Variants in ZPBP observed in about 807,000 individuals in gnomAD.
The protein encoded by ZPBP is zona pellucida-binding protein 1.
In ZPBP, 26 loss-of-function variants were observed where a neutral mutation model predicts 44.8. That is an observed-to-expected ratio of 0.58 (90% CI 0.43 to 0.81). The LOEUF (loss-of-function observed/expected upper bound fraction) is 0.81, where lower values mean the gene tolerates loss of function less well. ZPBP is among the 30% of genes least tolerant of loss of function. The probability of loss-of-function intolerance (pLI) is 0.00; values close to 1 mark genes in which losing one functional copy is unlikely to be tolerated. For synonymous variants in ZPBP, 174 were observed against 153.2 expected, an observed-to-expected ratio of 1.14 and a Z score of -1.00; for missense variants, 409 against 434.0, an observed-to-expected ratio of 0.94 and a Z score of 0.51.
chr7:50,072,813 C>G (rs1801913241), intron 3 of ZPBP, among the ~76,000 whole-genome samples: 1 of 152,210 alleles, frequency 6.6e-6, no homozygotes, highest in Admixed American at 6.5e-5. Context: ...CAATTTACAT[C>G]ATAACATCCA....
downstream of ZPBP, among the ~76,000 whole-genome samples, chr7:49,848,315 G>T (rs554233995): frequency 2.0e-5 from 3 of 152,326 alleles, no homozygotes; most frequent in Non-Finnish European, 2.9e-5. Context: ...GGTCTTTCCA[G>T]GATCTTCTCT....
At chr7:50,025,447 T>C (rs1243608625) in intron 5 of ZPBP, among the ~76,000 whole-genome samples, 2 of 151,740 alleles carry the variant, frequency 1.3e-5, no homozygotes, top group African/African-American at 4.8e-5. Context: ...AAGAGACCAA[T>C]GTAAGTGAAC....
chr7:49,848,124 T>C (rs1790028491), downstream of ZPBP, among the ~76,000 whole-genome samples: 1 of 152,186 alleles, frequency 6.6e-6, no homozygotes, highest in Non-Finnish European at 1.5e-5. Context: ...GTCAGCTTTG[T>C]GAGTGGGATG....
intron 1 of ZPBP, among the ~76,000 whole-genome samples, chr7:49,931,954 A>G (rs1794461276): frequency 6.6e-6 from 1 of 152,214 alleles, no homozygotes; most frequent in Non-Finnish European, 1.5e-5. Context: ...ACTGCTTCAG[A>G]GGGAAGAAGC....
At chr7:50,035,745 C>G (rs550966311) in intron 4 of ZPBP, among the ~76,000 whole-genome samples, 8 of 150,714 alleles carry the variant, frequency 5.3e-5, no homozygotes, top group South Asian at 4.2e-4. Flanking sequence ...GCAATAAAAC[C>G]TATTTTGTTG....
chr7:49,965,156 A>G (rs1796009845), intron 7 of ZPBP, among the ~76,000 whole-genome samples: 2 of 152,126 alleles, frequency 1.3e-5, no homozygotes, highest in South Asian at 4.1e-4. Context: ...CTTCCAAACA[A>G]CTTACCAATG....
chr7:49,885,080 T>A (rs181206603), intron 2 of ZPBP, among the ~76,000 whole-genome samples: 1 of 152,212 alleles, frequency 6.6e-6, no homozygotes, highest in Non-Finnish European at 1.5e-5. Context: ...TGGTAAAATA[T>A]CAAAATCTCA....
chr7:49,982,232 A>T (rs1347273585), intron 7 of ZPBP, among the ~76,000 whole-genome samples: 3 of 108,558 alleles, frequency 2.8e-5, no homozygotes, highest in Middle Eastern at 7.6e-3. Flanking sequence ...TATATAATAT[A>T]TAATATAATT....
chr7:49,996,090 T>C (rs1217147816), intron 6 of ZPBP, among the ~76,000 whole-genome samples: 1 of 152,194 alleles, frequency 6.6e-6, no homozygotes, highest in African/African-American at 2.4e-5. Flanking sequence ...TCATTATGCA[T>C]TCTATACATT....
chr7:50,056,925 C>T (rs1036268567), intron 4 of ZPBP, among the ~76,000 whole-genome samples: 20 of 152,122 alleles, frequency 1.3e-4, no homozygotes, highest in African/African-American at 4.3e-4. Flanking sequence ...GTGGCTCATG[C>T]CTGTAATCCC....
chr7:49,960,544 T>C (rs1261160353), intron 7 of ZPBP, among the ~76,000 whole-genome samples: 1 of 152,158 alleles, frequency 6.6e-6, no homozygotes, highest in African/African-American at 2.4e-5. Context: ...TATGCAACTT[T>C]TTAATTTAAA....
At chr7:50,053,756 A>G (rs1800801247) in intron 4 of ZPBP, among the ~76,000 whole-genome samples, 1 of 152,212 alleles carries the variant, frequency 6.6e-6, no homozygotes, top group Admixed American at 6.5e-5. Context: ...CTGGTCAGAA[A>G]TTCACAGGTT....
intron 5 of ZPBP, among the ~76,000 whole-genome samples, chr7:50,018,867 T>A (rs537866146): frequency 5.1e-4 from 78 of 152,130 alleles, no homozygotes; most frequent in South Asian, 4.8e-3. Context: ...GAGCCTACTG[T>A]GTGCCAGGAA....
chr7:49,884,122 G>T (rs1210206839), intron 2 of ZPBP, among the ~76,000 whole-genome samples: 1 of 152,202 alleles, frequency 6.6e-6, no homozygotes, highest in Admixed American at 6.5e-5. Context: ...AGAGGAAGGG[G>T]TTCCTGCAGT....
intron 2 of ZPBP, among the ~76,000 whole-genome samples, chr7:49,862,833 T>C (rs1188786240): frequency 6.6e-6 from 1 of 152,162 alleles, no homozygotes; most frequent in African/African-American, 2.4e-5. Flanking sequence ...TTGGTCATGA[T>C]GTATAATCCT....
At chr7:50,039,186 GA>G (rs1799958599) in intron 4 of ZPBP, among the ~76,000 whole-genome samples, 1 of 151,992 alleles carries the variant, frequency 6.6e-6, no homozygotes, top group African/African-American at 2.4e-5. Flanking sequence ...CAAAATTGAA[GA>G]AGATATGGTT....
intron 7 of ZPBP, chr7:49,944,418 C>G (rs1483005396): frequency 5.6e-6 from 1 of 178,854 alleles, no homozygotes; most frequent in Non-Finnish European, 1.2e-5. Flanking sequence ...ATGCACTGTC[C>G]TTTTGTACTT....
At chr7:50,063,600 T>C (rs1338837298) in intron 3 of ZPBP, among the ~76,000 whole-genome samples, 3 of 138,638 alleles carry the variant, frequency 2.2e-5, no homozygotes, top group Non-Finnish European at 5.0e-5. Context: ...TTGAGAACCA[T>C]TTTTTTTTTT....
chr7:49,970,130 G>T (rs1334377822), intron 7 of ZPBP, among the ~76,000 whole-genome samples: 2 of 152,044 alleles, frequency 1.3e-5, no homozygotes, highest in Non-Finnish European at 2.9e-5. Context: ...CAAAGTTCTG[G>T]GATAACAGGT....
Sources: allele counts gnomAD v4.1 joint callset (sites outside exome capture counted in the v4.1 genomes callset), GRCh38; gene constraint gnomAD v4.1.1; transcripts MANE v1.5; gene names NCBI Gene and HGNC (gene_info 2026-07-23, HGNC 2026-07-21).